ATP8A1: variants seen among roughly 807,000 people sequenced by gnomAD.
ATP8A1 encodes ATPase phospholipid transporting 8A1, also known as phospholipid-transporting ATPase IA.
ATP8A1 carries 90 observed loss-of-function variants against 177.7 expected under a neutral mutation model. The observed-to-expected ratio is 0.51, with a 90% CI of 0.43 to 0.60. ATP8A1 has a LOEUF of 0.60. Among genes scored for constraint, ATP8A1 ranks in the 20% least tolerant of loss-of-function variants. ATP8A1 has a pLI of 0.00. For missense variants in ATP8A1, 1,072 were observed against 1,392.8 expected, an observed-to-expected ratio of 0.77 and a Z score of 3.67; for synonymous variants, 493 against 485.9, an observed-to-expected ratio of 1.01 and a Z score of -0.19.
intron 16 of ATP8A1, among the ~76,000 whole-genome samples, chr4:42,554,459 G>A (rs1158169691): frequency 6.6e-6 from 1 of 152,210 alleles, no homozygotes; most frequent in Non-Finnish European, 1.5e-5. Flanking sequence ...TCTAGGGCTA[G>A]GCTTTGTAGA....
chr4:42,505,950 T>C (rs905316104), intron 23 of ATP8A1, among the ~76,000 whole-genome samples: 3 of 152,134 alleles, frequency 2.0e-5, no homozygotes, highest in Non-Finnish European at 4.4e-5. Context: ...TTTGGCATAT[T>C]GCTGGTACTA....
At chr4:42,497,338 G>T (rs998961208) in intron 24 of ATP8A1, among the ~76,000 whole-genome samples, 9 of 152,172 alleles carry the variant, frequency 5.9e-5, no homozygotes, top group African/African-American at 1.7e-4. Flanking sequence ...CATTTTATGC[G>T]TGTGCTGACT....
intron 25 of ATP8A1, among the ~76,000 whole-genome samples, chr4:42,467,233 A>G (rs959631843): frequency 6.6e-6 from 1 of 152,220 alleles, no homozygotes; most frequent in African/African-American, 2.4e-5. Flanking sequence ...AAATTGGCTG[A>G]GGATTTTCAT....
In ATP8A1 at chr4:42,591,234, C is replaced by T. The variant is rs35949569; in HGVS notation, c.451-350G>A. On this transcript the variant is annotated intron_variant, in intron 6 of 36. Coordinates refer to ENST00000381668, the MANE Select transcript of ATP8A1 (RefSeq NM_006095.2). Reference sequence around the variant, plus strand: ...ATTTTTCTTTCTCAAATTTCTCAACCTCATGCCATCTACTGTATGTCCACT... The same window carrying T: ...ATTTTTCTTTCTCAAATTTCTCAACTTCATGCCATCTACTGTATGTCCACT... Among the ~76,000 whole-genome samples the T allele has an allele frequency of 2.9e-3, 435 of 151,704 alleles. 1 individual carries two copies. Among genetic ancestry groups the T allele is most frequent in the Admixed American group, 6.8e-3 (104 of 15,234 alleles).
chr4:42,562,888 C>T (rs1031282476), intron 15 of ATP8A1, among the ~76,000 whole-genome samples: 1 of 152,200 alleles, frequency 6.6e-6, no homozygotes, highest in African/African-American at 2.4e-5. Flanking sequence ...TACCCAGCCA[C>T]GTGGAACTGT....
At chr4:42,522,427 C>G in intron 21 of ATP8A1, 128 bp from the exon 22 acceptor site, 1 of 1,077,576 alleles carries the variant, frequency 9.3e-7, no homozygotes. Context: ...TGATGAAGTC[C>G]AATTAAATTA....
intron 17 of ATP8A1, among the ~76,000 whole-genome samples, chr4:42,552,049 C>T (rs1729552868): frequency 6.6e-6 from 1 of 152,022 alleles, no homozygotes; most frequent in Non-Finnish European, 1.5e-5. Flanking sequence ...CTTTCCTCAC[C>T]CAAATAAATA....
rs140059841 is a variant in ATP8A1 at position 42,578,784 on chromosome 4, C to G, written c.1001-397G>C. 3.8e-3 allele frequency among the ~76,000 whole-genome samples: 579 copies of G among 152,094 alleles called. 8 individuals carry two copies. The highest frequency in any genetic ancestry group is 0.013 in the African/African-American group (536 of 41,508). On this transcript the variant is annotated intron_variant, in intron 11 of 36. Transcript: ENST00000381668. The stretch of plus-strand genomic sequence containing the variant: ...AAGCATACTTTAAAAGCAAACAAGA[C>G]AGCAGCAGCAAAAACAATCCAAACT...
At chr4:42,557,941 C>T (rs1730413398) in intron 15 of ATP8A1, among the ~76,000 whole-genome samples, 1 of 152,044 alleles carries the variant, frequency 6.6e-6, no homozygotes, top group Non-Finnish European at 1.5e-5. Flanking sequence ...GCATGAGAAT[C>T]GCTTGAACCT....
At position 42,629,535 on chromosome 4, in the gene ATP8A1, CT is replaced by C. The variant is rs1294534745; in HGVS notation, c.50-2427del. Among the ~76,000 whole-genome samples, 3 of 152,240 alleles carry C rather than the reference CT, an allele frequency of 2.0e-5. No individual in the cohort carries two copies. In the East Asian group the frequency reaches 5.8e-4, roughly 29 times the overall value. On this transcript the variant is annotated intron_variant, in intron 1 of 36. Transcript: ENST00000381668. The stretch of plus-strand genomic sequence containing the variant: ...AGTGGAGCTGGTAGGCACCTCTCCC[CT>C]GTCTCCTCAGCAGTGACATGGAGAG...
At position 42,550,894 on chromosome 4, in the gene ATP8A1, A is replaced by T. The variant is rs115720091; in HGVS notation, c.1602+304T>A. ...TTTAACTAAAAATTGGAATAAAATC[A>T]TAATAATTTGAGTATGAGGAAGGAT... is the stretch of plus-strand genomic sequence containing the variant. On this transcript the variant is annotated intron_variant, in intron 18 of 36. Transcript: ENST00000381668. 8.3e-3 allele frequency among the ~76,000 whole-genome samples: 1,263 copies of T among 152,340 alleles called. 13 individuals are homozygous for T. Among genetic ancestry groups the T allele is most frequent in the African/African-American group, 0.028 (1,184 of 41,584 alleles).
At chr4:42,594,652 A>G (rs554139532) in intron 6 of ATP8A1, among the ~76,000 whole-genome samples, 32 of 152,264 alleles carry the variant, frequency 2.1e-4, no homozygotes, top group Non-Finnish European at 4.0e-4. Context: ...ACATAAAAAT[A>G]TAAAGGAGGG....
chr4:42,503,270 G>C (rs1157305972), intron 24 of ATP8A1, among the ~76,000 whole-genome samples, 180 bp downstream of exon 24: 1 of 152,182 alleles, frequency 6.6e-6, no homozygotes, highest in African/African-American at 2.4e-5. Flanking sequence ...CAGATGTAAA[G>C]CTTGAATCAA....
At position 42,485,482 on chromosome 4, in the gene ATP8A1, T is replaced by C; in HGVS notation, c.2324+14A>G. 10 of 1,594,294 alleles carry C rather than the reference T, an allele frequency of 6.3e-6. No individual in the cohort carries two copies. The highest frequency in any genetic ancestry group is 8.5e-6 in the Non-Finnish European group (10 of 1,170,318). ...ATTCTTTACTAAAATCTGACAATGA[T>C]AAGGAGAACTTACCGACAGCAAATG... On this transcript the variant is annotated intron_variant, in intron 25 of 36. Coordinates refer to ENST00000381668, the MANE Select transcript of ATP8A1 (RefSeq NM_006095.2).
At chr4:42,537,479 C>T (rs1320353623) in intron 20 of ATP8A1, among the ~76,000 whole-genome samples, 8 of 152,076 alleles carry the variant, frequency 5.3e-5, no homozygotes, top group South Asian at 4.2e-4. Flanking sequence ...GTCAAACTGT[C>T]GCTGTTTGCT....
At chr4:42,570,288 C>T (rs1731774309) in intron 14 of ATP8A1, among the ~76,000 whole-genome samples, 1 of 152,188 alleles carries the variant, frequency 6.6e-6, no homozygotes, top group South Asian at 2.1e-4. Flanking sequence ...GCTTTTGTGC[C>T]TGCTTAAGAA....
intron 5 of ATP8A1, among the ~76,000 whole-genome samples, chr4:42,611,163 C>G (rs1044080239): frequency 6.6e-6 from 1 of 152,146 alleles, no homozygotes; most frequent in African/African-American, 2.4e-5. Flanking sequence ...AACTATGCGC[C>G]CTGCAGGGAA....
chr4:42,438,399 G>A (rs577246826), intron 33 of ATP8A1, among the ~76,000 whole-genome samples: 20 of 152,288 alleles, frequency 1.3e-4, no homozygotes, highest in African/African-American at 4.3e-4. Flanking sequence ...TTCTGATGAT[G>A]TAGGATGACT....
In ATP8A1 at chr4:42,555,138, T is replaced by TATCTAATC. The variant is rs1178885818; in HGVS notation, c.1413+829_1413+830insGATTAGAT. Among the ~76,000 whole-genome samples the TATCTAATC allele has an allele frequency of 3.5e-4, 27 of 76,810 alleles. No individual in the cohort carries two copies. The East Asian group carries it at 9.1e-3, about 26-fold the overall frequency. 50.4% of individuals were successfully genotyped at this position (76,810 alleles called of 152,430 possible). On this transcript the variant is annotated intron_variant, in intron 16 of 36. Coordinates refer to ENST00000381668, the MANE Select transcript of ATP8A1 (RefSeq NM_006095.2). ...CTATCTATCTATCTATCTATCTATC[T>TATCTAATC]AATCTATCTATCTATCTATCTATCT...
Sources: allele counts gnomAD v4.1 joint callset (sites outside exome capture counted in the v4.1 genomes callset), GRCh38; gene constraint gnomAD v4.1.1; transcripts MANE v1.5; gene names NCBI Gene and HGNC (gene_info 2026-07-23, HGNC 2026-07-21).